SPAG16: variants seen among roughly 807,000 people sequenced by gnomAD.
The protein encoded by SPAG16 is sperm-associated antigen 16 protein.
SPAG16 carries 86 observed loss-of-function variants against 80.4 expected under a neutral mutation model. That is an observed-to-expected ratio of 1.07 (90% CI 0.90 to 1.28). The LOEUF (loss-of-function observed/expected upper bound fraction) is 1.28. Among genes scored for constraint, SPAG16 ranks in the 50% most tolerant of loss-of-function variants. The pLI, the probability that SPAG16 is intolerant of heterozygous loss-of-function variation, is 0.00. For synonymous variants in SPAG16, 294 were observed against 265.9 expected, an observed-to-expected ratio of 1.11 and a Z score of -1.03; for missense variants, 870 against 765.3, an observed-to-expected ratio of 1.14 and a Z score of -1.61.
intron 10 of SPAG16, among the ~76,000 whole-genome samples, chr2:213,860,373 G>A (rs1364436383): frequency 7.7e-6 from 1 of 129,046 alleles, no homozygotes; most frequent in Non-Finnish European, 1.7e-5. Flanking sequence ...ATGTGTGTGT[G>A]TGTATATCTA....
chr2:214,052,783 C>G (rs1045824758), intron 13 of SPAG16, among the ~76,000 whole-genome samples: 1 of 152,094 alleles, frequency 6.6e-6, no homozygotes, highest in Non-Finnish European at 1.5e-5. Flanking sequence ...TTGCTCCTTA[C>G]AGCAAAGTTC....
intron 10 of SPAG16, among the ~76,000 whole-genome samples, chr2:213,712,704 A>G (rs968209976): frequency 6.6e-6 from 1 of 152,200 alleles, no homozygotes; most frequent in Non-Finnish European, 1.5e-5. Context: ...GCTGTCTCAA[A>G]AAAGACCATA....
At chr2:213,328,683 C>T (rs1271745420) in intron 5 of SPAG16, among the ~76,000 whole-genome samples, 1 of 152,054 alleles carries the variant, frequency 6.6e-6, no homozygotes, top group South Asian at 2.1e-4. Flanking sequence ...TTTGTCCATC[C>T]TCTGTGTTAT....
chr2:214,008,471 G>A (rs750485729), intron 12 of SPAG16, among the ~76,000 whole-genome samples: 2 of 152,084 alleles, frequency 1.3e-5, no homozygotes, highest in African/African-American at 2.4e-5. Flanking sequence ...GGGGCTGGGT[G>A]TAGTGGCTCA....
intron 15 of SPAG16, among the ~76,000 whole-genome samples, chr2:214,357,965 A>AGTTTATATGAGT (rs1359967444): frequency 1.4e-4 from 21 of 151,954 alleles, no homozygotes; most frequent in Non-Finnish European, 1.3e-4. Flanking sequence ...TGAGTTTATG[A>AGTTTATATGAGT]TTAACAATTT....
intron 15 of SPAG16, among the ~76,000 whole-genome samples, chr2:214,354,893 T>C (rs1576864124): frequency 6.6e-6 from 1 of 152,110 alleles, no homozygotes; most frequent in East Asian, 1.9e-4. Flanking sequence ...CTTAAGGAGA[T>C]TTTGGGCTGA....
intron 15 of SPAG16, among the ~76,000 whole-genome samples, chr2:214,194,158 G>T (rs13416902): frequency 0.083 from 12,620 of 152,122 alleles, 1,670 homozygotes; most frequent in African/African-American, 0.28. Context: ...TAGTTGGCGA[G>T]TTGTCATGGG....
chr2:214,118,935 C>T lies in SPAG16; in HGVS notation c.1593+10674C>T, dbSNP rs184555011. ...AAAGAAAAAAACTGGAGGTATCATA[C>T]TACCTGACATTAAAATATACTACAA... On this transcript the variant is annotated intron_variant, in intron 14 of 15. Transcript: ENST00000331683. Among the ~76,000 whole-genome samples the T allele has an allele frequency of 2.6e-5, 4 of 152,228 alleles. No homozygotes were observed. The East Asian group carries it at 7.7e-4, about 29-fold the overall frequency.
At chr2:214,056,890 A>G (rs140450857) in intron 13 of SPAG16, among the ~76,000 whole-genome samples, 2,196 of 152,286 alleles carry the variant, frequency 0.014, 57 homozygotes, top group African/African-American at 0.05. Flanking sequence ...CTTCCCCAGG[A>G]GTAGATTCCA....
intron 15 of SPAG16, among the ~76,000 whole-genome samples, chr2:214,173,163 G>A (rs1361296096): frequency 6.6e-6 from 1 of 152,060 alleles, no homozygotes; most frequent in East Asian, 1.9e-4. Context: ...TAGACATGAA[G>A]TCCTTGCCCA....
intron 15 of SPAG16, among the ~76,000 whole-genome samples, chr2:214,220,482 C>A (rs113391701): frequency 0.018 from 2,738 of 152,140 alleles, 55 homozygotes; most frequent in African/African-American, 0.042. Context: ...TGTTAGGTAA[C>A]CTTAAAGTTA....
chr2:213,939,973 C>T (rs1190368111), intron 12 of SPAG16, among the ~76,000 whole-genome samples: 1 of 152,014 alleles, frequency 6.6e-6, no homozygotes, highest in Non-Finnish European at 1.5e-5. Context: ...TGTAGAGTGA[C>T]ATAGTTGTTT....
chr2:213,768,597 T>C (rs1437017178), intron 10 of SPAG16, among the ~76,000 whole-genome samples: 2 of 152,314 alleles, frequency 1.3e-5, no homozygotes, highest in East Asian at 1.9e-4. Context: ...TGGAAAATGA[T>C]ACCATTTGTT....
intron 13 of SPAG16, among the ~76,000 whole-genome samples, chr2:214,033,266 T>G (rs1289032220): frequency 1.3e-5 from 2 of 152,228 alleles, no homozygotes; most frequent in Non-Finnish European, 2.9e-5. Context: ...AAGGCCCATG[T>G]AAATAAAATG....
chr2:213,317,791 T>A, intron 5 of SPAG16: 1 of 927,468 alleles, frequency 1.1e-6, no homozygotes, highest in African/African-American at 1.8e-5. Context: ...CTGTGGACTT[T>A]GGGTGATAAT....
intron 9 of SPAG16, among the ~76,000 whole-genome samples, chr2:213,413,215 CT>C (rs1438279156): frequency 6.6e-6 from 1 of 152,076 alleles, no homozygotes; most frequent in African/African-American, 2.4e-5. Flanking sequence ...AAATGCTATG[CT>C]ATTTCATAGA....
chr2:213,509,671 T>G (rs2075141951), intron 10 of SPAG16, among the ~76,000 whole-genome samples: 1 of 151,948 alleles, frequency 6.6e-6, no homozygotes, highest in Non-Finnish European at 1.5e-5. Context: ...CAAAGCAGTG[T>G]GTAGAGGGAA....
At chr2:213,511,373 C>T (rs73988527) in intron 10 of SPAG16, among the ~76,000 whole-genome samples, 13,395 of 151,936 alleles carry the variant, frequency 0.088, 1,482 homozygotes, top group African/African-American at 0.26. Flanking sequence ...ACCATCGTTT[C>T]GAGATTTGGA....
intron 10 of SPAG16, among the ~76,000 whole-genome samples, chr2:213,690,983 A>G (rs1400760696): frequency 1.3e-5 from 2 of 152,182 alleles, no homozygotes; most frequent in Non-Finnish European, 2.9e-5. Flanking sequence ...AGATATATAT[A>G]TAGATCCTAT....
Sources: gnomAD v4.1 joint callset for allele counts (sites outside exome capture counted in the v4.1 genomes callset) on GRCh38, gnomAD v4.1.1 for gene constraint, MANE v1.5 for transcripts, NCBI Gene and HGNC (gene_info 2026-07-23, HGNC 2026-07-21) for gene names.